Variants in RFX4 observed in about 807,000 individuals in gnomAD.
RFX4 encodes regulatory factor X4, also known as transcription factor RFX4.
A neutral mutation model predicts 95.0 loss-of-function variants in RFX4; 10 were observed. The ratio of observed to expected loss-of-function variants is 0.11; its 90% confidence interval spans 0.06 to 0.18. RFX4 has a LOEUF of 0.18. Ranked by LOEUF, RFX4 falls within the 10% of genes least tolerant of loss-of-function variation. The probability of loss-of-function intolerance (pLI) is 1.00; values close to 1 mark genes in which losing one functional copy is unlikely to be tolerated. For synonymous variants in RFX4, 321 were observed against 340.7 expected, an observed-to-expected ratio of 0.94 and a Z score of 0.64; for missense variants, 640 against 922.0, an observed-to-expected ratio of 0.69 and a Z score of 3.96.
At chr12:106,693,330 T>A (rs1238277753) in intron 7 of RFX4, among the ~76,000 whole-genome samples, 1 of 152,188 alleles carries the variant, frequency 6.6e-6, no homozygotes, top group Non-Finnish European at 1.5e-5. Context: ...CCAGTGCAGC[T>A]TGAACAGGCT....
At chr12:106,631,470 C>A (rs897983883) in intron 2 of RFX4, among the ~76,000 whole-genome samples, 2 of 152,172 alleles carry the variant, frequency 1.3e-5, no homozygotes, top group African/African-American at 4.8e-5. Flanking sequence ...ACTCTAACCC[C>A]CTATGTGATG....
chr12:106,716,615 T>C (rs888091223), intron 11 of RFX4, among the ~76,000 whole-genome samples: 1 of 152,150 alleles, frequency 6.6e-6, no homozygotes, highest in Non-Finnish European at 1.5e-5. Context: ...CCAGGGCTTC[T>C]TTCCTGGCTT....
At chr12:106,627,623 A>T (rs1374696482) in intron 2 of RFX4, among the ~76,000 whole-genome samples, 1 of 152,186 alleles carries the variant, frequency 6.6e-6, no homozygotes, top group Non-Finnish European at 1.5e-5. Context: ...CACTCCATTC[A>T]CCTCACTCAG....
intron 15 of RFX4, among the ~76,000 whole-genome samples, chr12:106,743,549 C>G (rs1284905520): frequency 6.6e-6 from 1 of 152,158 alleles, no homozygotes; most frequent in Non-Finnish European, 1.5e-5. Flanking sequence ...GTTCCACTAG[C>G]TTTTTGTTTG....
intron 4 of RFX4, chr12:106,662,120 G>T: frequency 2.9e-6 from 1 of 348,530 alleles, no homozygotes. Flanking sequence ...AGTTTATTTA[G>T]TTTTGTAATA....
intron 8 of RFX4, among the ~76,000 whole-genome samples, chr12:106,696,906 C>T (rs1159105062): frequency 1.3e-5 from 2 of 152,180 alleles, no homozygotes; most frequent in Non-Finnish European, 2.9e-5. Context: ...AGCTTCCATG[C>T]CCCTCCAGAT....
intron 1 of RFX4, among the ~76,000 whole-genome samples, chr12:106,585,484 G>C (rs1365293817): frequency 1.3e-5 from 2 of 152,208 alleles, no homozygotes; most frequent in Non-Finnish European, 2.9e-5. Flanking sequence ...AGACGCACCA[G>C]GTGACATTTC....
intron 4 of RFX4, among the ~76,000 whole-genome samples, chr12:106,668,386 G>T (rs1366349311): frequency 1.3e-5 from 2 of 152,080 alleles, no homozygotes; most frequent in Non-Finnish European, 2.9e-5. Context: ...GCTGCCTTTG[G>T]CTATCAGGGA....
intron 2 of RFX4, among the ~76,000 whole-genome samples, chr12:106,620,496 G>A (rs1249524256): frequency 6.6e-6 from 1 of 152,026 alleles, no homozygotes; most frequent in Non-Finnish European, 1.5e-5. Flanking sequence ...TGCTTCAAAG[G>A]GCAAAAAGCA....
chr12:106,588,178 T>A (rs965997018), intron 1 of RFX4, among the ~76,000 whole-genome samples: 2 of 152,218 alleles, frequency 1.3e-5, no homozygotes, highest in African/African-American at 4.8e-5. Flanking sequence ...AATGATATAT[T>A]ATTTTTTGCA....
chr12:106,599,553 G>T (rs2039669957), intron 1 of RFX4, among the ~76,000 whole-genome samples: 1 of 152,040 alleles, frequency 6.6e-6, no homozygotes, highest in African/African-American at 2.4e-5. Flanking sequence ...CCAGGAGAAT[G>T]ATATTAGCGT....
chr12:106,657,995 G>C (rs774295900), intron 4 of RFX4, among the ~76,000 whole-genome samples: 11 of 152,018 alleles, frequency 7.2e-5, no homozygotes, highest in Non-Finnish European at 1.5e-4. Flanking sequence ...GTATACAGAA[G>C]CATTATATAT....
intron 4 of RFX4, among the ~76,000 whole-genome samples, chr12:106,655,046 G>T (rs1343741185): frequency 6.6e-6 from 1 of 152,146 alleles, no homozygotes; most frequent in Non-Finnish European, 1.5e-5. Flanking sequence ...ACAAAAATAG[G>T]CTTGTTCTGT....
intron 3 of RFX4, 72 bp downstream of exon 3, chr12:106,639,464 C>T (rs2040576249): frequency 5.2e-6 from 7 of 1,339,926 alleles, no homozygotes; most frequent in Non-Finnish European, 7.4e-6. Context: ...GATAGGATAT[C>T]ACTTGGATAT....
chr12:106,625,683 GC>G (rs2040283496), intron 2 of RFX4, among the ~76,000 whole-genome samples: 1 of 152,098 alleles, frequency 6.6e-6, no homozygotes, highest in African/African-American at 2.4e-5. Context: ...GATTCCCTGA[GC>G]CCCTACTACA....
intron 4 of RFX4, among the ~76,000 whole-genome samples, chr12:106,680,003 A>C (rs2041474136): frequency 6.6e-6 from 1 of 152,240 alleles, no homozygotes; most frequent in Non-Finnish European, 1.5e-5. Flanking sequence ...TTCAGTTTAC[A>C]AGAGTCAGGG....
chr12:106,761,515 T>G lies in RFX4; in HGVS notation c.*46T>G. 1 of 1,262,538 alleles carries G rather than the reference T, an allele frequency of 7.9e-7. No individual in the cohort carries two copies. Among genetic ancestry groups the G allele is most frequent in the South Asian group, 2.8e-5 (1 of 35,362 alleles). The allele number at this position is 1,262,538 out of a possible 1,614,324, so 78.2% of individuals were successfully genotyped here. A position where few individuals can be genotyped will look rare whatever the true frequency, so the allele number is the denominator to read the frequency against. ...ATTTAATATTAATAATAATAATTAA[T>G]AATAATAATAAACCCAACACCCATC... On this transcript the variant is annotated 3_prime_UTR_variant, in exon 18 of 18. Coordinates refer to ENST00000392842, the MANE Select transcript of RFX4 (RefSeq NM_213594.3).
intron 4 of RFX4, among the ~76,000 whole-genome samples, chr12:106,662,899 T>C (rs1300610692): frequency 6.6e-6 from 1 of 152,162 alleles, no homozygotes; most frequent in African/African-American, 2.4e-5. Flanking sequence ...CTGGACTGTC[T>C]ATTGTGTTTT....
intron 8 of RFX4, among the ~76,000 whole-genome samples, chr12:106,698,650 C>G (rs2041930073): frequency 6.6e-6 from 1 of 151,712 alleles, no homozygotes; most frequent in African/African-American, 2.4e-5. Context: ...ATTTAGATAT[C>G]AGAGGAAACC....
Sources: gnomAD v4.1 joint callset for allele counts (sites outside exome capture counted in the v4.1 genomes callset) on GRCh38, gnomAD v4.1.1 for gene constraint, MANE v1.5 for transcripts, NCBI Gene and HGNC (gene_info 2026-07-23, HGNC 2026-07-21) for gene names.